Variants in PLPP4 observed in about 807,000 individuals in gnomAD.
The protein encoded by PLPP4 is phospholipid phosphatase 4, also known as diacylglycerol pyrophosphate like 2.
PLPP4 carries 20 observed loss-of-function variants against 32.2 expected under a neutral mutation model. The ratio of observed to expected loss-of-function variants is 0.62; its 90% confidence interval spans 0.44 to 0.90. The LOEUF (loss-of-function observed/expected upper bound fraction) is 0.90. PLPP4 is among the 40% of genes least tolerant of loss of function. The pLI, the probability that PLPP4 is intolerant of heterozygous loss-of-function variation, is 0.00. For synonymous variants in PLPP4, 127 were observed against 133.0 expected, an observed-to-expected ratio of 0.95 and a Z score of 0.31; for missense variants, 257 against 353.1, an observed-to-expected ratio of 0.73 and a Z score of 2.18.
chr10:120,484,579 C>A (rs951297454), intron 1 of PLPP4, among the ~76,000 whole-genome samples: 2 of 152,182 alleles, frequency 1.3e-5, no homozygotes, highest in Admixed American at 1.3e-4. Context: ...CGGGGCAAAG[C>A]CCTTATGGCC....
rs539265006 is a variant in PLPP4, at chr10:120,589,458, G to A, written c.772G>A (p.Ala258Thr). Reference protein sequence around the residue: ...KKEERPTADSAPSLPLEGITE... With the variant: ...KKEERPTADSTPSLPLEGITE... ...AGAGGAGAGGCCCACAGCTGACAGCGCACCCAGCTTGCCTCTGGAGGGGAT... is the reference window on the plus strand; with the variant it reads ...AGAGGAGAGGCCCACAGCTGACAGCACACCCAGCTTGCCTCTGGAGGGGAT... Residue 258 changes from alanine to threonine, a missense_variant, in exon 7 of 7, where the codon GCA (alanine) becomes ACA (threonine). Physicochemically the swap from Ala to Thr is moderately conservative, Grantham distance 58 (BLOSUM62 0). Coordinates refer to ENST00000398250, the MANE Select transcript of PLPP4 (RefSeq NM_001030059.3). 1.1e-5 allele frequency: 18 copies of A among 1,614,068 alleles called. No individual in the cohort carries two copies. The highest frequency in any genetic ancestry group is 4.5e-5 in the East Asian group (2 of 44,866).
At chr10:120,573,094 T>G (rs1370624870) in intron 5 of PLPP4, among the ~76,000 whole-genome samples, 1 of 152,192 alleles carries the variant, frequency 6.6e-6, no homozygotes, top group Non-Finnish European at 1.5e-5. Flanking sequence ...AGGAAGGCTG[T>G]CCAAGACATG....
chr10:120,501,366 A>C (rs2478419), intron 1 of PLPP4, among the ~76,000 whole-genome samples: 96,663 of 152,024 alleles, frequency 0.64, 31,179 homozygotes, highest in African/African-American at 0.74. Flanking sequence ...TCAAACAAAG[A>C]CCGAAAACTG....
chr10:120,484,428 G>T (rs746136950), intron 1 of PLPP4, among the ~76,000 whole-genome samples: 3 of 152,298 alleles, frequency 2.0e-5, no homozygotes, highest in African/African-American at 7.2e-5. Flanking sequence ...CGAGGTGCCA[G>T]CATCTGGTGA....
intron 1 of PLPP4, among the ~76,000 whole-genome samples, chr10:120,490,422 C>A (rs1190549483): frequency 6.6e-6 from 1 of 152,224 alleles, no homozygotes; most frequent in African/African-American, 2.4e-5. Context: ...ACAGCCCCTG[C>A]CATTCCTTAG....
At chr10:120,500,366 A>G (rs1389401935) in intron 1 of PLPP4, among the ~76,000 whole-genome samples, 1 of 152,134 alleles carries the variant, frequency 6.6e-6, no homozygotes, top group African/African-American at 2.4e-5. Context: ...CACAGTGTCA[A>G]TCGCACCCTG....
chr10:120,510,797 T>C (rs762489178), intron 2 of PLPP4, among the ~76,000 whole-genome samples: 1 of 152,232 alleles, frequency 6.6e-6, no homozygotes, highest in Non-Finnish European at 1.5e-5. Flanking sequence ...GAATGATACA[T>C]GTAACTATGT....
intron 1 of PLPP4, among the ~76,000 whole-genome samples, chr10:120,478,349 G>A (rs575200615): frequency 1.3e-5 from 2 of 152,302 alleles, no homozygotes; most frequent in Non-Finnish European, 2.9e-5. Context: ...TCCAGGAAGG[G>A]AGGTGTTCAG....
intron 5 of PLPP4, among the ~76,000 whole-genome samples, chr10:120,545,017 A>C (rs1847546279): frequency 6.6e-6 from 1 of 152,164 alleles, no homozygotes; most frequent in South Asian, 2.1e-4. Flanking sequence ...TGCTTGGTTG[A>C]TGGCGTCACT....
chr10:120,474,604 G>C (rs1843813336), intron 1 of PLPP4, among the ~76,000 whole-genome samples: 1 of 151,984 alleles, frequency 6.6e-6, no homozygotes, highest in Non-Finnish European at 1.5e-5. Context: ...TATTAAATTA[G>C]ACTTTTAAAT....
chr10:120,530,055 G>A (rs1490738998), intron 5 of PLPP4, among the ~76,000 whole-genome samples: 2 of 152,120 alleles, frequency 1.3e-5, no homozygotes, highest in East Asian at 1.9e-4. Context: ...CATCCCCCGC[G>A]GGTACAGCAT....
chr10:120,494,121 G>A (rs982920713), intron 1 of PLPP4, among the ~76,000 whole-genome samples: 1 of 152,142 alleles, frequency 6.6e-6, no homozygotes, highest in Admixed American at 6.5e-5. Flanking sequence ...GGGAACTTGT[G>A]GTTAGGACAT....
intron 5 of PLPP4, among the ~76,000 whole-genome samples, chr10:120,570,933 G>A (rs1268643484): frequency 6.6e-6 from 1 of 152,092 alleles, no homozygotes; most frequent in African/African-American, 2.4e-5. Context: ...CTTCTTCCTA[G>A]TTTAGACCAT....
intron 1 of PLPP4, among the ~76,000 whole-genome samples, chr10:120,466,788 A>G (rs1429322955): frequency 6.6e-6 from 1 of 152,134 alleles, no homozygotes; most frequent in East Asian, 1.9e-4. Flanking sequence ...GGGAGCTTGT[A>G]AAGATGAGGT....
intron 6 of PLPP4, among the ~76,000 whole-genome samples, chr10:120,575,788 T>C (rs1197132263): frequency 6.6e-6 from 1 of 152,198 alleles, no homozygotes; most frequent in Non-Finnish European, 1.5e-5. Context: ...TGGGGTGAGG[T>C]TTGCCTATAT....
intron 5 of PLPP4, among the ~76,000 whole-genome samples, chr10:120,560,115 C>G (rs1474638789): frequency 6.6e-6 from 1 of 152,166 alleles, no homozygotes; most frequent in Non-Finnish European, 1.5e-5. Flanking sequence ...TCGCATATTT[C>G]CCATTGTGTT....
At chr10:120,509,793 A>G (rs1845652625) in intron 2 of PLPP4, among the ~76,000 whole-genome samples, 1 of 152,248 alleles carries the variant, frequency 6.6e-6, no homozygotes, top group Admixed American at 6.5e-5. Context: ...TGCTTAAGAT[A>G]TGACAGCTGT....
In PLPP4 at chr10:120,468,606, A is replaced by C. The variant is rs1848400108; in HGVS notation, c.56+11245A>C. 3.1e-5 allele frequency among the ~76,000 whole-genome samples: 2 copies of C among 65,400 alleles called. 1 individual carries two copies. The highest frequency in any genetic ancestry group is 6.5e-5 in the African/African-American group (2 of 30,682). The allele number at this position is 65,400 out of a possible 152,430, so 42.9% of individuals were successfully genotyped here. A position where few individuals can be genotyped will look rare whatever the true frequency, so the allele number is the denominator to read the frequency against. Reference sequence around the variant, plus strand: ...GTAAGCATTTATTATTTTCATGCACAATCAAAAAAATCAATATAGATGTTT... The same window carrying C: ...GTAAGCATTTATTATTTTCATGCACCATCAAAAAAATCAATATAGATGTTT... On this transcript the variant is annotated intron_variant, in intron 1 of 6. Transcript: ENST00000398250.
chr10:120,487,329 C>T (rs1844505625), intron 1 of PLPP4, among the ~76,000 whole-genome samples: 1 of 152,196 alleles, frequency 6.6e-6, no homozygotes, highest in East Asian at 1.9e-4. Context: ...GATGGGAAGG[C>T]AACTCTTCCG....
Sources: gnomAD v4.1 joint callset for allele counts (sites outside exome capture counted in the v4.1 genomes callset) on GRCh38, gnomAD v4.1.1 for gene constraint, MANE v1.5 for transcripts, NCBI Gene and HGNC (gene_info 2026-07-23, HGNC 2026-07-21) for gene names.